The following PATJ variants were observed in gnomAD, a reference collection of about 807,000 sequenced individuals.
PATJ encodes the protein PATJ crumbs cell polarity complex component.
In PATJ, 190 loss-of-function variants were observed where a neutral mutation model predicts 224.9. The ratio of observed to expected loss-of-function variants is 0.84; its 90% confidence interval spans 0.75 to 0.95. The LOEUF is 0.95. Among genes scored for constraint, PATJ ranks in the 40% least tolerant of loss-of-function variants. The pLI is 0.00. For missense variants in PATJ, 2,121 were observed against 2,270.3 expected, an observed-to-expected ratio of 0.93 and a Z score of 1.34; for synonymous variants, 769 against 820.3, an observed-to-expected ratio of 0.94 and a Z score of 1.07.
intron 27 of PATJ, among the ~76,000 whole-genome samples, chr1:61,950,747 A>G (rs1453188693): frequency 2.6e-5 from 4 of 152,232 alleles, no homozygotes; most frequent in African/African-American, 9.6e-5. Context: ...GGCAATGCAA[A>G]ATAGGATGGA....
chr1:62,053,567 A>G (rs544179620), intron 31 of PATJ, among the ~76,000 whole-genome samples: 1 of 152,316 alleles, frequency 6.6e-6, no homozygotes, highest in Admixed American at 6.5e-5. Flanking sequence ...TAAAAATACA[A>G]AATTAGCCAG....
At chr1:61,782,774 T>G (rs1423365312) in intron 7 of PATJ, among the ~76,000 whole-genome samples, 1 of 152,158 alleles carries the variant, frequency 6.6e-6, no homozygotes, top group East Asian at 1.9e-4. Context: ...ATTCTATCAG[T>G]TGTGGCAAGA....
chr1:62,115,583 A>G (rs1276400901), intron 35 of PATJ, among the ~76,000 whole-genome samples: 1 of 150,060 alleles, frequency 6.7e-6, no homozygotes, highest in African/African-American at 2.5e-5. Flanking sequence ...ATAGCTTGAA[A>G]CAAAGCCTAG....
chr1:62,061,092 C>T (rs1426907662), intron 31 of PATJ, among the ~76,000 whole-genome samples: 4 of 152,002 alleles, frequency 2.6e-5, no homozygotes, highest in Non-Finnish European at 4.4e-5. Flanking sequence ...CCTCTGTGAG[C>T]GCAGTCCCCA....
intron 13 of PATJ, among the ~76,000 whole-genome samples, chr1:61,805,942 G>A (rs1490277204): frequency 6.6e-6 from 1 of 152,190 alleles, no homozygotes; most frequent in Non-Finnish European, 1.5e-5. Flanking sequence ...GTTTCACAAA[G>A]AATCTTACAG....
At chr1:61,977,343 G>GT (rs1433372850) in intron 27 of PATJ, among the ~76,000 whole-genome samples, 1 of 152,088 alleles carries the variant, frequency 6.6e-6, no homozygotes, top group African/African-American at 2.4e-5. Context: ...GCCCACCTCA[G>GT]CCTCCCAAAG....
At chr1:61,880,469 C>A (rs1010628522) in intron 21 of PATJ, among the ~76,000 whole-genome samples, 1 of 152,224 alleles carries the variant, frequency 6.6e-6, no homozygotes, top group Non-Finnish European at 1.5e-5. Flanking sequence ...TGTCTTCTCA[C>A]ATTTATTTGA....
intron 11 of PATJ, among the ~76,000 whole-genome samples, chr1:61,800,104 A>C (rs115836012): frequency 1.8e-3 from 278 of 152,322 alleles, no homozygotes; most frequent in African/African-American, 6.5e-3. Flanking sequence ...CTTTGGGTAG[A>C]AACCCAGTAG....
At chr1:61,926,395 T>TA (rs749113318) in intron 26 of PATJ, among the ~76,000 whole-genome samples, 123 of 152,316 alleles carry the variant, frequency 8.1e-4, no homozygotes, top group Non-Finnish European at 1.4e-3. Context: ...GCCTTAGATG[T>TA]AAAAAATTCC....
chr1:62,101,917 A>C (rs1407513747), intron 33 of PATJ, among the ~76,000 whole-genome samples: 1 of 152,146 alleles, frequency 6.6e-6, no homozygotes, highest in Non-Finnish European at 1.5e-5. Context: ...AGTGACTTAC[A>C]CCTGTAATCC....
At position 62,104,100 on chromosome 1, in the gene PATJ, T is replaced by G. The variant is rs140842997; in HGVS notation, c.4378-4337T>G. 2.2e-4 allele frequency among the ~76,000 whole-genome samples: 33 copies of G among 152,098 alleles called. No individual in the cohort carries two copies. In the East Asian group the frequency reaches 6.4e-3, roughly 29 times the overall value. On this transcript the variant is annotated intron_variant, in intron 33 of 43. Coordinates refer to ENST00000642238, the MANE Select transcript of PATJ (RefSeq NM_001350145.3). ...AGGCTGGAGTCACTGAGGTCTTGGGTTTTGGAATGTTATTTACATATGCAG... is the reference window on the plus strand; with the variant it reads ...AGGCTGGAGTCACTGAGGTCTTGGGGTTTGGAATGTTATTTACATATGCAG...
At chr1:62,095,374 A>G (rs1465369776) in intron 33 of PATJ, among the ~76,000 whole-genome samples, 5 of 152,206 alleles carry the variant, frequency 3.3e-5, no homozygotes, top group African/African-American at 1.2e-4. Context: ...TCTTTATATC[A>G]AAGAAGAGAA....
intron 1 of PATJ, 111 bp downstream of exon 1, chr1:61,742,666 C>CT (rs1644815372): frequency 6.6e-6 from 1 of 151,248 alleles, no homozygotes; most frequent in South Asian, 2.1e-4. Context: ...GCCTGCCCTG[C>CT]CCCCGCGCTC....
intron 36 of PATJ, among the ~76,000 whole-genome samples, 179 bp downstream of exon 36, chr1:62,116,858 T>C (rs76991168): frequency 2.0e-5 from 3 of 152,226 alleles, no homozygotes; most frequent in Non-Finnish European, 4.4e-5. Context: ...TTCTGTTATA[T>C]TGACTAACAG....
At chr1:62,143,615 A>G (rs1667726199) in intron 41 of PATJ, among the ~76,000 whole-genome samples, 2 of 151,756 alleles carry the variant, frequency 1.3e-5, no homozygotes, top group South Asian at 4.2e-4. Flanking sequence ...CACGCCAGCT[A>G]ATTTTTGTAT....
At chr1:62,123,746 G>A (rs1665380386) in intron 39 of PATJ, among the ~76,000 whole-genome samples, 1 of 141,758 alleles carries the variant, frequency 7.1e-6, no homozygotes, top group Admixed American at 7.3e-5. Context: ...CAAAGTGCTG[G>A]GATTACAGGC....
intron 15 of PATJ, among the ~76,000 whole-genome samples, chr1:61,825,635 G>A (rs575869239): frequency 9.3e-4 from 141 of 152,238 alleles, no homozygotes; most frequent in African/African-American, 3.2e-3. Flanking sequence ...AATCCCCTTA[G>A]ATAGGAGTTG....
intron 36 of PATJ, 139 bp from the exon 37 acceptor site, chr1:62,116,993 A>C (rs944249764): frequency 1.5e-6 from 1 of 686,488 alleles, no homozygotes; most frequent in Non-Finnish European, 2.4e-6. Flanking sequence ...CACAGAATTC[A>C]TCCTCCTCTC....
At chr1:61,878,850 C>T (rs1425759580) in intron 21 of PATJ, among the ~76,000 whole-genome samples, 1 of 151,422 alleles carries the variant, frequency 6.6e-6, no homozygotes, top group Non-Finnish European at 1.5e-5. Context: ...GTGGCACAAT[C>T]TCGGCTCACT....
Sources: allele counts gnomAD v4.1 joint callset (sites outside exome capture counted in the v4.1 genomes callset), GRCh38; gene constraint gnomAD v4.1.1; transcripts MANE v1.5; gene names NCBI Gene and HGNC (gene_info 2026-07-23, HGNC 2026-07-21).